PAPPA: variants seen among roughly 807,000 people sequenced by gnomAD.
PAPPA encodes the protein pappalysin-1.
A neutral mutation model predicts 164.0 loss-of-function variants in PAPPA; 60 were observed. The observed-to-expected ratio is 0.37, with a 90% CI of 0.30 to 0.45. The LOEUF is 0.45. PAPPA is among the 20% of genes least tolerant of loss of function. The pLI, the probability that PAPPA is intolerant of heterozygous loss-of-function variation, is 1.00. For synonymous variants in PAPPA, 875 were observed against 814.1 expected (o/e 1.07, Z -1.27); for missense variants, 1,782 against 2,087.3 (o/e 0.85, Z 2.85).
intron 1 of PAPPA, among the ~76,000 whole-genome samples, chr9:116,172,586 G>A (rs1437865980): frequency 6.6e-6 from 1 of 152,188 alleles, no homozygotes; most frequent in Non-Finnish European, 1.5e-5. Context: ...TGATTAAACT[G>A]AATTACCTGA....
intron 9 of PAPPA, among the ~76,000 whole-genome samples, chr9:116,278,465 G>T (rs1845227732): frequency 6.6e-6 from 1 of 152,166 alleles, no homozygotes; most frequent in African/African-American, 2.4e-5. Flanking sequence ...TTGAATCACA[G>T]CAGGAAACAA....
intron 7 of PAPPA, among the ~76,000 whole-genome samples, chr9:116,252,940 C>A (rs1460484042): frequency 2.0e-5 from 3 of 152,190 alleles, no homozygotes; most frequent in African/African-American, 7.2e-5. Flanking sequence ...CTTTCTCAAA[C>A]TATTAATTCA....
chr9:116,280,811 A>G (rs907271283), intron 9 of PAPPA, among the ~76,000 whole-genome samples: 2 of 152,232 alleles, frequency 1.3e-5, no homozygotes, highest in African/African-American at 4.8e-5. Flanking sequence ...CTTTGTTTAC[A>G]TATTTGCCAC....
At chr9:116,336,121 G>A (rs1043707350) in intron 13 of PAPPA, among the ~76,000 whole-genome samples, 5 of 152,114 alleles carry the variant, frequency 3.3e-5, no homozygotes, top group Non-Finnish European at 7.4e-5. Context: ...GTTGCACAGC[G>A]TCTCTCAGAT....
intron 9 of PAPPA, among the ~76,000 whole-genome samples, chr9:116,272,500 C>T (rs145485864): frequency 1.6e-3 from 244 of 152,302 alleles, no homozygotes; most frequent in Middle Eastern, 6.8e-3. Context: ...TTGTGAGCTC[C>T]GTGATGGTGA....
rs888159915 is a variant in PAPPA, at chr9:116,235,594, G to C, written c.2689G>C (p.Asp897His). 2 of 1,613,322 alleles carry C rather than the reference G, an allele frequency of 1.2e-6. No individual in the cohort carries two copies. The highest frequency in any genetic ancestry group is 2.7e-5 in the African/African-American group (2 of 74,892). ...KVVRDPPLQMDVASILHLNRK... is the reference protein window; with the variant it reads ...KVVRDPPLQMHVASILHLNRK... ...GGTCCGGGACCCTCCTCTCCAGATG[G>C]ATGTGGCCTCCATCCTACATCTCAA... Residue 897 changes from aspartate (D) to histidine (H), a missense_variant, in exon 7 of 22, where the codon GAT (aspartate) becomes CAT (histidine). Coordinates refer to ENST00000328252, the MANE Select transcript of PAPPA (RefSeq NM_002581.5).
intron 12 of PAPPA, chr9:116,332,680 A>G (rs1223809025): frequency 6.3e-6 from 3 of 474,516 alleles, no homozygotes; most frequent in East Asian, 3.3e-5. Context: ...ATAAGGGGCC[A>G]ATGGCCAAGC....
In PAPPA at chr9:116,277,682, A is replaced by AT. The variant is rs1369483260; in HGVS notation, c.2953+6272dup. 7.9e-5 allele frequency among the ~76,000 whole-genome samples: 12 copies of AT among 152,026 alleles called. No homozygotes were observed. In the East Asian group the frequency reaches 2.1e-3, roughly 27 times the overall value. ...AATTAATATTTTATTTTTTATTTTAATTTTTTATTTTTTGAGACAGAATCT... is the reference window on the plus strand; with the variant it reads ...AATTAATATTTTATTTTTTATTTTAATTTTTTTATTTTTTGAGACAGAATCT... On this transcript the variant is annotated intron_variant, in intron 9 of 21. Coordinates refer to ENST00000328252, the MANE Select transcript of PAPPA (RefSeq NM_002581.5).
At chr9:116,303,480 T>G (rs190127297) in intron 10 of PAPPA, among the ~76,000 whole-genome samples, 65 of 152,298 alleles carry the variant, frequency 4.3e-4, no homozygotes, top group Non-Finnish European at 2.9e-4. Flanking sequence ...AATGCACTAT[T>G]TATGTGCCAC....
At chr9:116,192,098 A>G (rs1844049336) in intron 2 of PAPPA, among the ~76,000 whole-genome samples, 1 of 152,162 alleles carries the variant, frequency 6.6e-6, no homozygotes, top group Non-Finnish European at 1.5e-5. Flanking sequence ...CCATGTTGTC[A>G]TTCTCTCTGC....
chr9:116,205,303 C>A (rs971881783), intron 2 of PAPPA, among the ~76,000 whole-genome samples: 4 of 152,282 alleles, frequency 2.6e-5, no homozygotes, highest in African/African-American at 4.8e-5. Context: ...ACTGAATAAA[C>A]AACCAATTAA....
chr9:116,364,111 T>C (rs1361316443), intron 18 of PAPPA, among the ~76,000 whole-genome samples: 1 of 152,230 alleles, frequency 6.6e-6, no homozygotes, highest in Non-Finnish European at 1.5e-5. Context: ...AGTATTGCCA[T>C]GGTGAGCAGC....
chr9:116,237,101 G>A (rs542617180), intron 7 of PAPPA, among the ~76,000 whole-genome samples: 1 of 152,284 alleles, frequency 6.6e-6, no homozygotes, highest in South Asian at 2.1e-4. Context: ...AATCATTAAT[G>A]GGAACCAAGT....
intron 1 of PAPPA, among the ~76,000 whole-genome samples, chr9:116,155,156 T>C (rs1271075819): frequency 6.6e-6 from 1 of 151,978 alleles, no homozygotes; most frequent in African/African-American, 2.4e-5. Flanking sequence ...CTCCACGCCA[T>C]CCCATGTCCT....
chr9:116,322,628 G>C lies in PAPPA; in HGVS notation c.3148-8616G>C, dbSNP rs528481543. Among the ~76,000 whole-genome samples the C allele has an allele frequency of 1.4e-4, 22 of 152,220 alleles. No homozygotes were observed. In the South Asian group the frequency reaches 4.4e-3, roughly 30 times the overall value. On this transcript the variant is annotated intron_variant, in intron 10 of 21. Coordinates refer to ENST00000328252, the MANE Select transcript of PAPPA (RefSeq NM_002581.5). Reference sequence around the variant, plus strand: ...CAGGCTTTCCCTCCTGTAGTCCTCAGGACCCTTAAGAATCTTGGAGGTTTA... The same window carrying C: ...CAGGCTTTCCCTCCTGTAGTCCTCACGACCCTTAAGAATCTTGGAGGTTTA...
intron 20 of PAPPA, among the ~76,000 whole-genome samples, chr9:116,379,906 G>A (rs114741940): frequency 1.3e-5 from 2 of 152,118 alleles, no homozygotes; most frequent in Non-Finnish European, 2.9e-5. Context: ...AGAGACAGGA[G>A]AAATCTCTAA....
intron 20 of PAPPA, among the ~76,000 whole-genome samples, chr9:116,381,824 A>G (rs1244834844): frequency 6.6e-6 from 1 of 152,242 alleles, no homozygotes; most frequent in Non-Finnish European, 1.5e-5. Flanking sequence ...GAAAACAAAC[A>G]TGTAAAATGT....
chr9:116,222,313 A>G (rs1159450404), intron 5 of PAPPA, among the ~76,000 whole-genome samples: 1 of 152,168 alleles, frequency 6.6e-6, no homozygotes, highest in Non-Finnish European at 1.5e-5. Flanking sequence ...TGTCTTCACA[A>G]TGACAAAAAA....
At chr9:116,311,106 A>G (rs1169243915) in intron 10 of PAPPA, among the ~76,000 whole-genome samples, 2 of 145,812 alleles carry the variant, frequency 1.4e-5, no homozygotes, top group East Asian at 4.1e-4. Context: ...GGGCATAGAA[A>G]TTTAACCAGA....
Sources: gnomAD v4.1 joint callset for allele counts (sites outside exome capture counted in the v4.1 genomes callset) on GRCh38, gnomAD v4.1.1 for gene constraint, MANE v1.5 for transcripts, NCBI Gene and HGNC (gene_info 2026-07-23, HGNC 2026-07-21) for gene names.